RMDN1: variants seen among roughly 807,000 people sequenced by gnomAD.
RMDN1 encodes the protein regulator of microtubule dynamics 1, also known as regulator of microtubule dynamics protein 1.
A neutral mutation model predicts 48.9 loss-of-function variants in RMDN1; 48 were observed. The observed-to-expected ratio is 0.98, with a 90% CI of 0.78 to 1.25. The LOEUF is 1.25. RMDN1 is among the 50% of genes most tolerant of loss of function. The pLI, the probability that RMDN1 is intolerant of heterozygous loss-of-function variation, is 0.00. For missense variants in RMDN1, 418 were observed against 373.4 expected (o/e 1.12, Z -0.98); for synonymous variants, 148 against 132.6 (o/e 1.12, Z -0.80).
chr8:86,488,098 G>GT (rs1417257570), intron 3 of RMDN1, among the ~76,000 whole-genome samples: 2 of 152,012 alleles, frequency 1.3e-5, no homozygotes, highest in Admixed American at 6.6e-5. Context: ...GAAAAAGGGG[G>GT]TATTTTTGGT....
chr8:86,472,722 T>C lies in RMDN1; in HGVS notation c.*1586A>G, dbSNP rs1812745607. On this transcript the variant is annotated 3_prime_UTR_variant, in exon 10 of 10. Transcript: ENST00000406452. ...CATATTTTTTACTGTTAAGTACTTA[T>C]GCATGAATAAGTATAAGAAAATAAC... is the stretch of plus-strand genomic sequence containing the variant. The C allele has an allele frequency of 2.1e-6, 1 of 469,168 alleles. No individual in the cohort carries two copies. Among genetic ancestry groups the C allele is most frequent in the African/African-American group, 2.0e-5 (1 of 50,548 alleles). The allele number at this position is 469,168 out of a possible 1,614,324, so 29.1% of individuals were successfully genotyped here.
rs144127126 is a variant in RMDN1, at chr8:86,504,114, C to T, written c.247+2881G>A. 1.3e-3 allele frequency: 1,426 copies of T among 1,114,062 alleles called. 10 individuals carry two copies. In the African/African-American group the frequency reaches 0.019, roughly 15 times the overall value. The allele number at this position is 1,114,062 out of a possible 1,614,324, so 69.0% of individuals were successfully genotyped here. A position where few individuals can be genotyped will look rare whatever the true frequency, so the allele number is the denominator to read the frequency against. On this transcript the variant is annotated intron_variant, in intron 2 of 9. Transcript: ENST00000406452. Reference sequence around the variant, plus strand: ...TCTTTGGTCTGGAATTCAAATTCATCCTTGGGTCTGAAGAGCTATGGCCGG... The same window carrying T: ...TCTTTGGTCTGGAATTCAAATTCATTCTTGGGTCTGAAGAGCTATGGCCGG...
At chr8:86,470,301 C>T, downstream of RMDN1, 5 of 1,289,286 alleles carry the variant, frequency 3.9e-6, no homozygotes, top group Non-Finnish European at 4.0e-6. Flanking sequence ...CAGGTGGGGG[C>T]TGCACGGGAA....
chr8:86,471,147 C>CT (rs201332051), downstream of RMDN1, among the ~76,000 whole-genome samples: 18,110 of 128,350 alleles, frequency 0.14, 2,796 homozygotes, highest in African/African-American at 0.39. Context: ...TACACAGGAT[C>CT]TTTTTTTTTT....
At chr8:86,482,877 T>TC (rs1361319448) in intron 5 of RMDN1, 3 of 1,143,368 alleles carry the variant, frequency 2.6e-6, no homozygotes, top group Non-Finnish European at 4.0e-6. Flanking sequence ...GGCCCTGGGG[T>TC]CCCAGTTGTT....
At chr8:86,477,565 G>A (rs756072729) in intron 7 of RMDN1, 1 of 374,280 alleles carries the variant, frequency 2.7e-6, no homozygotes, top group Non-Finnish European at 4.8e-6. Flanking sequence ...TTTAGAACTT[G>A]TACCAAACTA....
In RMDN1 at chr8:86,476,797, G is replaced by C. The variant is rs373312784; in HGVS notation, c.760+497C>G. On this transcript the variant is annotated intron_variant, in intron 8 of 9. Coordinates refer to ENST00000406452, the MANE Select transcript of RMDN1 (RefSeq NM_016033.3). ...TGTAGCCTGGAACTCCTGGGCTCAA[G>C]TGACCTTCCTGCCTCAGCCTCCTGA... Among the ~76,000 whole-genome samples the C allele has an allele frequency of 5.9e-4, 90 of 152,288 alleles. 1 individual carries two copies. The East Asian group carries it at 0.012, about 21-fold the overall frequency.
At chr8:86,487,945 T>G (rs989144783) in intron 3 of RMDN1, among the ~76,000 whole-genome samples, 35 of 151,762 alleles carry the variant, frequency 2.3e-4, no homozygotes, top group African/African-American at 8.2e-4. Flanking sequence ...GTTTAGGAGA[T>G]GAGGTAGATT....
intron 2 of RMDN1, chr8:86,505,402 A>T (rs1334352065): frequency 1.5e-5 from 7 of 456,208 alleles, no homozygotes; most frequent in Non-Finnish European, 2.6e-5. Context: ...GGAGAGGAAA[A>T]GTAAGGCGCA....
intron 2 of RMDN1, among the ~76,000 whole-genome samples, chr8:86,500,827 T>C (rs774623765): frequency 2.6e-5 from 4 of 151,900 alleles, no homozygotes; most frequent in African/African-American, 7.3e-5. Flanking sequence ...ATAAAGAAAA[T>C]GTGATACATA....
At chr8:86,471,121 T>A (rs950248883), downstream of RMDN1, among the ~76,000 whole-genome samples, 2 of 151,492 alleles carry the variant, frequency 1.3e-5, no homozygotes, top group African/African-American at 4.9e-5. Flanking sequence ...AGCACTGGGA[T>A]AGGCTGAGAG....
rs1465430971 is a variant in RMDN1, at chr8:86,474,942, A to C, written c.772T>G (p.Phe258Val). 6.2e-7 allele frequency: 1 copy of C among 1,606,784 alleles called. No individual in the cohort carries two copies. The highest frequency in any genetic ancestry group is 2.2e-5 in the East Asian group (1 of 44,774). The change falls in exon 9 of 10, where the codon TTC becomes GTC. Residue 258 changes from phenylalanine to valine, a missense_variant. Transcript: ENST00000406452. ...AAAAGAAGTAAGTTTTTGCTGTAGAAGTTTGGATCCACTGCACATAAGAAA... is the reference window on the plus strand; with the variant it reads ...AAAAGAAGTAAGTTTTTGCTGTAGACGTTTGGATCCACTGCACATAAGAAA... The part of the protein sequence containing the change: ...FHRAEQVDPN[F>V]YSKNLLLLGK...
intron 2 of RMDN1, chr8:86,504,071 G>C (rs1180465644): frequency 1.1e-6 from 1 of 912,842 alleles, no homozygotes; most frequent in African/African-American, 1.6e-5. Context: ...ATCATTGTCA[G>C]AATTCTGGTG....
At position 86,486,509 on chromosome 8, in the gene RMDN1, T is replaced by C. The variant is rs1477672173; in HGVS notation, c.470A>G (p.Asn157Ser). The C allele has an allele frequency of 6.3e-7, 1 of 1,596,430 alleles. No individual in the cohort carries two copies. Among genetic ancestry groups the C allele is most frequent in the East Asian group, 2.2e-5 (1 of 44,636 alleles). ...LEYAKRALEK[N>S]ESSFASHKWY... Reference sequence around the variant, plus strand: ...CTTATGAGATGCAAAACTTGATTCATTTTTTTCTAGTGCTCTTTTTGCATA... The same window carrying C: ...CTTATGAGATGCAAAACTTGATTCACTTTTTTCTAGTGCTCTTTTTGCATA... Residue 157 changes from asparagine to serine, a missense_variant, in exon 4 of 10, where the codon AAT becomes AGT. Transcript: ENST00000406452.
intron 2 of RMDN1, among the ~76,000 whole-genome samples, chr8:86,492,498 C>G (rs1241870809): frequency 1.3e-5 from 2 of 151,870 alleles, no homozygotes; most frequent in Admixed American, 1.3e-4. Context: ...GCTGAAAATA[C>G]AAAAATCAGC....
intron 7 of RMDN1, 148 bp downstream of exon 7, chr8:86,478,775 G>T (rs1210401183): frequency 5.5e-6 from 4 of 723,980 alleles, no homozygotes; most frequent in Non-Finnish European, 7.4e-6. Context: ...GATAATAAGT[G>T]TTAAGCCTTG....
At chr8:86,505,615 A>G (rs1377269123) in intron 2 of RMDN1, among the ~76,000 whole-genome samples, 2 of 152,202 alleles carry the variant, frequency 1.3e-5, no homozygotes, top group Non-Finnish European at 2.9e-5. Context: ...GGTTTGTTAC[A>G]TAGGTATACA....
intron 2 of RMDN1, among the ~76,000 whole-genome samples, chr8:86,499,324 C>T (rs1349974376): frequency 6.6e-6 from 1 of 152,176 alleles, no homozygotes; most frequent in Non-Finnish European, 1.5e-5. Context: ...ACCCCATAAA[C>T]AGTCTGCTCA....
At chr8:86,494,901 G>T in intron 2 of RMDN1, 1 of 432,730 alleles carries the variant, frequency 2.3e-6, no homozygotes, top group Non-Finnish European at 4.6e-6. Flanking sequence ...TTGAACCCAG[G>T]AGGCAGTGGT....
Sources: gnomAD v4.1 joint callset for allele counts (sites outside exome capture counted in the v4.1 genomes callset) on GRCh38, gnomAD v4.1.1 for gene constraint, MANE v1.5 for transcripts, NCBI Gene and HGNC (gene_info 2026-07-23, HGNC 2026-07-21) for gene names.